The following VWA2 variants were observed in gnomAD, a reference collection of about 807,000 sequenced individuals.
VWA2 encodes the protein von Willebrand factor A domain containing 2.
A neutral mutation model predicts 70.4 loss-of-function variants in VWA2; 73 were observed. That is an observed-to-expected ratio of 1.04 (90% CI 0.86 to 1.26). VWA2 has a LOEUF of 1.26. VWA2 is among the 50% of genes most tolerant of loss of function. The pLI, the probability that VWA2 is intolerant of heterozygous loss-of-function variation, is 0.00. For missense variants in VWA2, 1,011 were observed against 998.5 expected (o/e 1.01, Z -0.17); for synonymous variants, 407 against 423.3 (o/e 0.96, Z 0.47).
intron 9 of VWA2, 96 bp from the exon 10 acceptor site, chr10:114,284,767 C>A: frequency 8.2e-7 from 1 of 1,218,942 alleles, no homozygotes; most frequent in Non-Finnish European, 1.1e-6. Context: ...TGGGCCACTG[C>A]TAGAGCAGGA....
At chr10:114,282,017 C>CATTTTTTTTTTT (rs2038178767) in intron 8 of VWA2, among the ~76,000 whole-genome samples, 1 of 119,662 alleles carries the variant, frequency 8.4e-6, no homozygotes, top group Non-Finnish European at 1.7e-5. Context: ...CTTATGTTAC[C>CATTTTTTTTTTT]TTTTTTTTTT....
In VWA2 at chr10:114,291,989, A is replaced by G. The variant is rs1160639463; in HGVS notation, c.*752A>G. Among the ~76,000 whole-genome samples, 9 of 152,184 alleles carry G rather than the reference A, an allele frequency of 5.9e-5. No individual in the cohort carries two copies. The highest frequency in any genetic ancestry group is 2.2e-4 in the African/African-American group (9 of 41,440). ...ACCTGAAGGGTCTTCCTTTCAAAAG[A>G]GGCTGCGGCCAGAGACTGTGGCTCA... On this transcript the variant is annotated 3_prime_UTR_variant, in exon 14 of 14. Coordinates refer to ENST00000392982, the MANE Select transcript of VWA2 (RefSeq NM_001272046.2).
chr10:114,256,764 G>C (rs2037337228), intron 4 of VWA2, among the ~76,000 whole-genome samples: 1 of 151,946 alleles, frequency 6.6e-6, no homozygotes, highest in Non-Finnish European at 1.5e-5. Context: ...CAAAAAATTA[G>C]CCGGGCATGG....
intron 4 of VWA2, 120 bp from the exon 5 acceptor site, chr10:114,261,066 C>A: frequency 3.0e-6 from 2 of 666,240 alleles, no homozygotes; most frequent in Non-Finnish European, 5.2e-6. Flanking sequence ...AAAGCTCTGG[C>A]ACTGGTGTTT....
In VWA2 at chr10:114,261,264, G is replaced by A. The variant is rs1361929458; in HGVS notation, c.340G>A (p.Val114Met). The change falls in exon 5 of 14, where the codon GTG becomes ATG. Residue 114 changes from valine to methionine, a missense_variant. By Grantham distance (21) the Val-to-Met change is conservative. Transcript: ENST00000392982. The stretch of plus-strand genomic sequence containing the variant: ...GGATTCATTTTCAACCCAACAGGAA[G>A]TGAAGGCAAGAATCAAGAGGATGGT... The part of the protein sequence containing the change: ...PLDSFSTQQE[V>M]KARIKRMVFK... The A allele has an allele frequency of 1.2e-6, 2 of 1,614,170 alleles. No homozygotes were observed. The highest frequency in any genetic ancestry group is 1.7e-6 in the Non-Finnish European group (2 of 1,180,026).
intron 10 of VWA2, among the ~76,000 whole-genome samples, chr10:114,285,460 T>C (rs1213996046): frequency 6.6e-6 from 1 of 152,226 alleles, no homozygotes; most frequent in African/African-American, 2.4e-5. Context: ...AAGGGCTTGA[T>C]GAATAATAAC....
intron 6 of VWA2, among the ~76,000 whole-genome samples, chr10:114,277,351 T>A (rs1251899292): frequency 6.6e-6 from 1 of 151,534 alleles, no homozygotes; most frequent in Non-Finnish European, 1.5e-5. Flanking sequence ...ACCCAGCTAA[T>A]TTTTGTATTT....
intron 4 of VWA2, among the ~76,000 whole-genome samples, chr10:114,256,638 C>A (rs927320379): frequency 2.0e-5 from 3 of 152,104 alleles, no homozygotes; most frequent in African/African-American, 7.2e-5. Context: ...AGGCTGTGCG[C>A]GGTGGGTCAC....
At chr10:114,271,813 C>T (rs965075510) in intron 5 of VWA2, among the ~76,000 whole-genome samples, 1 of 152,192 alleles carries the variant, frequency 6.6e-6, no homozygotes, top group African/African-American at 2.4e-5. Context: ...CAGAATAATG[C>T]TCCCACAGGG....
intron 8 of VWA2, chr10:114,280,731 A>C (rs2038044711): frequency 6.6e-6 from 1 of 152,126 alleles, no homozygotes; most frequent in Admixed American, 6.6e-5. Flanking sequence ...GCAGTTTGGC[A>C]AACTTTGTTT....
chr10:114,252,281 C>T (rs2037212781), intron 2 of VWA2, among the ~76,000 whole-genome samples: 1 of 152,162 alleles, frequency 6.6e-6, no homozygotes, highest in South Asian at 2.1e-4. Flanking sequence ...AGAGATTTGT[C>T]TGGCAGCTTT....
chr10:114,251,907 C>T (rs1464167218), intron 2 of VWA2, among the ~76,000 whole-genome samples: 2 of 151,316 alleles, frequency 1.3e-5, no homozygotes, highest in Admixed American at 6.6e-5. Context: ...CTGCAACCTC[C>T]GCCTCCCGGG....
At chr10:114,290,038 C>A (rs2039410428) in intron 12 of VWA2, 1 of 536,576 alleles carries the variant, frequency 1.9e-6, no homozygotes, top group Non-Finnish European at 3.2e-6. Flanking sequence ...CACGTCTGAG[C>A]AATGGACTCT....
intron 1 of VWA2, among the ~76,000 whole-genome samples, chr10:114,240,535 G>A (rs2036957420): frequency 6.6e-6 from 1 of 152,218 alleles, no homozygotes; most frequent in Non-Finnish European, 1.5e-5. Context: ...CAAATTACAA[G>A]CTGCTTTAAG....
At position 114,261,166 on chromosome 10, in the gene VWA2, C is replaced by A. The variant is rs770616702; in HGVS notation, c.262-20C>A. 1.3e-6 allele frequency: 2 copies of A among 1,578,830 alleles called. No homozygotes were observed. Among genetic ancestry groups the A allele is most frequent in the Non-Finnish European group, 1.7e-6 (2 of 1,149,932 alleles). On this transcript the variant is annotated intron_variant, in intron 4 of 13. Transcript: ENST00000392982. ...TTGACTCCAGTCTCGGGGCCCTGAG[C>A]CCCCTGTCTCCTACTGCAGGTCAGA... is the stretch of plus-strand genomic sequence containing the variant.
chr10:114,244,578 A>G lies in VWA2; in HGVS notation c.-10-4126A>G, dbSNP rs2037031006. 2.6e-5 allele frequency among the ~76,000 whole-genome samples: 4 copies of G among 152,324 alleles called. No homozygotes were observed. In the South Asian group the frequency reaches 8.3e-4, roughly 32 times the overall value. On this transcript the variant is annotated intron_variant, in intron 1 of 13. Coordinates refer to ENST00000392982, the MANE Select transcript of VWA2 (RefSeq NM_001272046.2). Reference sequence around the variant, plus strand: ...CTGTGTGTCTTGTGGCAGGCACATAAGAAATGCTCATTACATGGTAGTAGC... The same window carrying G: ...CTGTGTGTCTTGTGGCAGGCACATAGGAAATGCTCATTACATGGTAGTAGC...
In VWA2 at chr10:114,256,841, C is replaced by G. The variant is rs553841994; in HGVS notation, c.261+1793C>G. 1.9e-4 allele frequency among the ~76,000 whole-genome samples: 28 copies of G among 143,832 alleles called. No homozygotes were observed. In the East Asian group the frequency reaches 5.5e-3, roughly 28 times the overall value. The allele number at this position is 143,832 out of a possible 152,430, so 94.4% of individuals were successfully genotyped here. A position where few individuals can be genotyped will look rare whatever the true frequency, so the allele number is the denominator to read the frequency against. On this transcript the variant is annotated intron_variant, in intron 4 of 13. Coordinates refer to ENST00000392982, the MANE Select transcript of VWA2 (RefSeq NM_001272046.2). The stretch of plus-strand genomic sequence containing the variant: ...AGGAAAATCGCTTGAACCCAGGAGG[C>G]AGAGGTTGCAGTGAGCTGAGATGGT...
intron 4 of VWA2, among the ~76,000 whole-genome samples, 170 bp downstream of exon 4, chr10:114,255,218 G>A (rs1008913569): frequency 2.8e-4 from 42 of 151,964 alleles, no homozygotes; most frequent in Middle Eastern, 3.4e-3. Context: ...GAGGCTATAA[G>A]GCATCTTTTT....
chr10:114,256,257 A>G (rs906578244), intron 4 of VWA2, among the ~76,000 whole-genome samples: 1 of 152,264 alleles, frequency 6.6e-6, no homozygotes, highest in Non-Finnish European at 1.5e-5. Flanking sequence ...ATGCATTCGT[A>G]TATTGAAACG....
Sources: gnomAD v4.1 joint callset for allele counts (sites outside exome capture counted in the v4.1 genomes callset) on GRCh38, gnomAD v4.1.1 for gene constraint, MANE v1.5 for transcripts, NCBI Gene and HGNC (gene_info 2026-07-23, HGNC 2026-07-21) for gene names.